The following GNL3L variants were observed in gnomAD, a reference collection of about 807,000 sequenced individuals.
The protein encoded by GNL3L is G protein nucleolar 3 like, also known as guanine nucleotide-binding protein-like 3-like protein.
In GNL3L, 4 loss-of-function variants were observed where a neutral mutation model predicts 42.9. The observed-to-expected ratio is 0.09, with a 90% confidence interval of 0.05 to 0.21. GNL3L has a LOEUF of 0.21. GNL3L is among the 10% of genes least tolerant of loss of function. The probability of loss-of-function intolerance (pLI) is 1.00; values close to 1 mark genes in which losing one functional copy is unlikely to be tolerated. For synonymous variants in GNL3L, 159 were observed against 176.3 expected (o/e 0.90, Z 0.78); for missense variants, 412 against 481.7 (o/e 0.86, Z 1.36).
At chrX:54,548,486 CAGG>C (rs1456385429) in intron 9 of GNL3L, 113 bp downstream of exon 9, 3 of 590,338 alleles carry the variant, frequency 5.1e-6, no homozygotes, top group Non-Finnish European at 8.0e-6. Flanking sequence ...AGGAGTGGTT[CAGG>C]AGAAGGGTTT....
intron 16 of GNL3L, among the ~76,000 whole-genome samples, chrX:54,616,029 C>G (rs960844875): frequency 1.8e-5 from 2 of 113,175 alleles, no homozygotes; most frequent in African/African-American, 6.4e-5. Context: ...CTAATCAACT[C>G]TCCTGTGATT....
chrX:54,562,060 C>CTTTA lies in GNL3L; in HGVS notation c.*1470_*1473dup, dbSNP rs925807932. On this transcript the variant is annotated 3_prime_UTR_variant, in exon 16 of 16. Transcript: ENST00000360845. ...ACCATCCTTCGACCCACAGCTGCAC[C>CTTTA]TTTATTTATTTATTTTGCTCTGTTG... 8.9e-6 allele frequency among the ~76,000 whole-genome samples: 1 copy of CTTTA among 111,957 alleles called. No individual in the cohort carries two copies. The highest frequency in any genetic ancestry group is 1.9e-5 in the Non-Finnish European group (1 of 53,118).
intron 9 of GNL3L, among the ~76,000 whole-genome samples, chrX:54,549,298 C>T (rs1924862359): frequency 9.0e-6 from 1 of 111,382 alleles, no homozygotes; most frequent in African/African-American, 3.3e-5. Context: ...CCCAGAGATC[C>T]AGAGGAGGCA....
rs183857280 is a variant in GNL3L at position 54,543,398 on chromosome X, G to A, written c.526+56G>A. Reference sequence around the variant, plus strand: ...GGAAGGTGGGCAGGCCATCTTTAACGTCTAGCTTGGACCAGACACTGAACC... The same window carrying A: ...GGAAGGTGGGCAGGCCATCTTTAACATCTAGCTTGGACCAGACACTGAACC... On this transcript the variant is annotated intron_variant, in intron 7 of 15. Coordinates refer to ENST00000360845, the MANE Select transcript of GNL3L (RefSeq NM_001184819.2). 681 of 1,130,109 alleles carry A rather than the reference G, an allele frequency of 6.0e-4. 2 individuals carry two copies. The African/African-American group carries it at 0.011, about 19-fold the overall frequency. The allele number at this position is 1,130,109 out of a possible 1,213,427, so 93.1% of individuals were successfully genotyped here.
intron 16 of GNL3L, among the ~76,000 whole-genome samples, chrX:54,611,919 GTA>G (rs1286030460): frequency 2.7e-5 from 3 of 112,157 alleles, no homozygotes; most frequent in Admixed American, 9.4e-5. Flanking sequence ...GAAATGTTCT[GTA>G]TATATCTGTT....
At chrX:54,639,004 T>G in the GNL3L span, among the ~76,000 whole-genome samples, 1 of 112,045 alleles carries the variant, frequency 8.9e-6, no homozygotes, top group African/African-American at 3.2e-5. Context: ...AATCTGTGTT[T>G]TAACAAAGCC....
chrX:54,636,373 T>A, the GNL3L span, among the ~76,000 whole-genome samples: 1 of 111,982 alleles, frequency 8.9e-6, no homozygotes, highest in Non-Finnish European at 1.9e-5. Flanking sequence ...TTATCTTTCT[T>A]TTTTTCAACT....
intron 16 of GNL3L, among the ~76,000 whole-genome samples, chrX:54,572,579 C>T (rs764634261): frequency 4.3e-4 from 47 of 110,123 alleles, no homozygotes; most frequent in African/African-American, 1.4e-3. Flanking sequence ...CCAGTAGGGG[C>T]GGCTGGGCAG....
chrX:54,537,703 C>T lies in GNL3L; in HGVS notation c.20-1337C>T, dbSNP rs985824833. Among the ~76,000 whole-genome samples, 10 of 111,314 alleles carry T rather than the reference C, an allele frequency of 9.0e-5. No individual in the cohort carries two copies. In the Admixed American group the frequency reaches 9.7e-4, roughly 11 times the overall value. ...TCCTAGGGTCAAGTGATCCTCTTGC[C>T]TCAGCCTCCCAGCTAGCAACAGGCA... On this transcript the variant is annotated intron_variant, in intron 2 of 15. Transcript: ENST00000360845.
the GNL3L span, among the ~76,000 whole-genome samples, chrX:54,630,905 C>G: frequency 4.7e-5 from 5 of 106,176 alleles, no homozygotes; most frequent in Non-Finnish European, 9.6e-5. Flanking sequence ...CTCCTGGGTT[C>G]AAGTGATTAT....
intron 9 of GNL3L, 143 bp from the exon 10 acceptor site, chrX:54,550,820 G>C (rs1179228220): frequency 2.2e-6 from 1 of 445,796 alleles, no homozygotes; most frequent in Non-Finnish European, 4.0e-6. Flanking sequence ...CAGGGCCTGG[G>C]GTGGGAAGGG....
At chrX:54,567,303 A>ATT (rs762966412), downstream of GNL3L, among the ~76,000 whole-genome samples, 1 of 103,718 alleles carries the variant, frequency 9.6e-6, no homozygotes, top group Non-Finnish European at 2.0e-5. Flanking sequence ...ATATGTCTGC[A>ATT]TTTTTTTTTT....
At chrX:54,641,315 T>C in the GNL3L span, among the ~76,000 whole-genome samples, 1 of 111,119 alleles carries the variant, frequency 9.0e-6, no homozygotes, top group Admixed American at 9.6e-5. Flanking sequence ...TAAAAGTCTG[T>C]CCTGTATAAT....
At chrX:54,597,754 G>T (rs1451976569) in intron 16 of GNL3L, among the ~76,000 whole-genome samples, 1 of 111,447 alleles carries the variant, frequency 9.0e-6, no homozygotes, top group Non-Finnish European at 1.9e-5. Flanking sequence ...CCTCTGACTA[G>T]GGCTGGTTTA....
At position 54,558,467 on chromosome X, in the gene GNL3L, C is replaced by G; in HGVS notation, c.1478C>G (p.Pro493Arg). 11 of 1,206,354 alleles carry G rather than the reference C, an allele frequency of 9.1e-6. No homozygotes were observed. Among genetic ancestry groups the G allele is most frequent in the Non-Finnish European group, 1.2e-5 (11 of 890,975 alleles). ...IGDLTGYCTNPNRHQMGWAKR... is the reference protein window; with the variant it reads ...IGDLTGYCTNRNRHQMGWAKR... ...GATCTCACTGGGTATTGCACCAATC[C>G]GAACCGTCATCAGATGGGGTGGGCT... The change falls in exon 15 of 16, where the codon CCG (proline) becomes CGG (arginine). Residue 493 changes from proline (P) to arginine (R), a missense_variant. By Grantham distance (103) the Pro-to-Arg change is moderately radical. Transcript: ENST00000360845.
intron 16 of GNL3L, among the ~76,000 whole-genome samples, chrX:54,588,062 A>G (rs1925811615): frequency 8.9e-6 from 1 of 112,017 alleles, no homozygotes; most frequent in Non-Finnish European, 1.9e-5. Context: ...TTTATCTTGT[A>G]ATCTGTGATT....
At position 54,560,778 on chromosome X, in the gene GNL3L, C is replaced by T; in HGVS notation, c.*176C>T. 1 of 381,711 alleles carries T rather than the reference C, an allele frequency of 2.6e-6. No homozygotes were observed. The highest frequency in any genetic ancestry group is 4.4e-5 in the East Asian group (1 of 22,744). 31.5% of individuals were successfully genotyped at this position (381,711 alleles called of 1,213,427 possible). A position where few individuals can be genotyped will look rare whatever the true frequency, so the allele number is the denominator to read the frequency against. ...AGTCCCGGCTAGGTGCTGTGGCTCA[C>T]GTCTGTAATCCCAGCACTTTGGGAG... On this transcript the variant is annotated 3_prime_UTR_variant, in exon 16 of 16. Coordinates refer to ENST00000360845, the MANE Select transcript of GNL3L (RefSeq NM_001184819.2).
intron 16 of GNL3L, among the ~76,000 whole-genome samples, chrX:54,585,125 A>G (rs903646514): frequency 5.4e-5 from 6 of 111,809 alleles, no homozygotes; most frequent in Non-Finnish European, 1.1e-4. Flanking sequence ...TTTTTCACCA[A>G]TCTTCACCAA....
chrX:54,569,934 G>C (rs141099351), downstream of GNL3L, among the ~76,000 whole-genome samples: 10 of 111,768 alleles, frequency 8.9e-5, no homozygotes, highest in African/African-American at 2.6e-4. Context: ...TATATGACTT[G>C]AATATGTTAA....
Sources: gnomAD v4.1 joint callset for allele counts (sites outside exome capture counted in the v4.1 genomes callset) on GRCh38, gnomAD v4.1.1 for gene constraint, MANE v1.5 for transcripts, NCBI Gene and HGNC (gene_info 2026-07-23, HGNC 2026-07-21) for gene names.